The following PDE3A variants were observed in gnomAD, a reference collection of about 807,000 sequenced individuals.
PDE3A encodes phosphodiesterase 3A, also known as cGMP-inhibited 3',5'-cyclic phosphodiesterase 3A.
Under a neutral mutation model 98.3 loss-of-function variants are expected in PDE3A, and 43 were observed. The observed-to-expected ratio is 0.44, with a 90% CI of 0.34 to 0.56. The LOEUF is 0.56. Ranked by LOEUF, PDE3A falls within the 20% of genes least tolerant of loss-of-function variation. The pLI is 0.01. For missense variants in PDE3A, 1,427 were observed against 1,440.7 expected, an observed-to-expected ratio of 0.99 and a Z score of 0.15; for synonymous variants, 663 against 567.9, an observed-to-expected ratio of 1.17 and a Z score of -2.38.
chr12:20,584,079 G>A (rs1223460960), intron 2 of PDE3A, among the ~76,000 whole-genome samples: 3 of 152,176 alleles, frequency 2.0e-5, no homozygotes, highest in Non-Finnish European at 4.4e-5. Flanking sequence ...TAATAAAGGA[G>A]AATCCAGAGA....
Position 20,639,941 on chromosome 12 carries a change from A to T in PDE3A, c.2235A>T (p.Gly745=). ...ATTATTTTCATGCTTTGGAGATTGG[A>T]TATAGGGATATTCCTTGTAAGTATA... ...FMNYFHALEI[G]YRDIPYHNRI... is the part of the protein sequence containing the mutation. Residue 745 remains glycine (G), a synonymous_variant, in exon 10 of 16, where the codon GGA becomes GGT. Transcript: ENST00000359062. 6 of 1,346,970 alleles carry T rather than the reference A, an allele frequency of 4.5e-6. No individual in the cohort carries two copies. Among genetic ancestry groups the T allele is most frequent in the Non-Finnish European group, 6.4e-6 (6 of 937,838 alleles). 83.4% of individuals were successfully genotyped at this position (1,346,970 alleles called of 1,614,324 possible). A position where few individuals can be genotyped will look rare whatever the true frequency, so the allele number is the denominator to read the frequency against.
intron 1 of PDE3A, among the ~76,000 whole-genome samples, chr12:20,465,902 T>C: frequency 6.6e-6 from 1 of 152,172 alleles, no homozygotes; most frequent in East Asian, 1.9e-4. Flanking sequence ...TACCAACTTG[T>C]GCCAAAAAAT....
rs1321453682 is a variant in PDE3A at position 20,687,129 on chromosome 12, C to T, written c.*6858C>T. On this transcript the variant is annotated 3_prime_UTR_variant, in exon 16 of 16. Transcript: ENST00000359062. ...TACTCCCTAAAAAAGGCAAAATACT[C>T]AGATGTTCAATGTGAAATTACAAAT... is the stretch of plus-strand genomic sequence containing the variant. Among the ~76,000 whole-genome samples the T allele has an allele frequency of 6.6e-6, 1 of 152,086 alleles. No individual in the cohort carries two copies. Among genetic ancestry groups the T allele is most frequent in the Non-Finnish European group, 1.5e-5 (1 of 67,966 alleles).
chr12:20,394,411 C>G (rs1371893195), intron 1 of PDE3A, among the ~76,000 whole-genome samples: 1 of 151,990 alleles, frequency 6.6e-6, no homozygotes, highest in African/African-American at 2.4e-5. Context: ...GTATATAATA[C>G]TTTTTCATGA....
intron 2 of PDE3A, among the ~76,000 whole-genome samples, chr12:20,565,209 TCC>T (rs1942625707): frequency 1.3e-5 from 2 of 152,030 alleles, no homozygotes; most frequent in Non-Finnish European, 2.9e-5. Context: ...CTGAAAAATT[TCC>T]AGCTCTCAAG....
At chr12:20,614,426 G>A (rs546079033) in intron 3 of PDE3A, among the ~76,000 whole-genome samples, 1 of 150,748 alleles carries the variant, frequency 6.6e-6, no homozygotes, top group Non-Finnish European at 1.5e-5. Flanking sequence ...TATTTATTTA[G>A]TAAACAATCA....
At position 20,684,325 on chromosome 12, in the gene PDE3A, A is replaced by G. The variant is rs1945891049; in HGVS notation, c.*4054A>G. 1 of 152,144 alleles carries G rather than the reference A, an allele frequency of 6.6e-6. No individual in the cohort carries two copies. Among genetic ancestry groups the G allele is most frequent in the African/African-American group, 2.4e-5 (1 of 41,444 alleles). The allele number at this position is 152,144 out of a possible 1,614,324, so 9.4% of individuals were successfully genotyped here. On this transcript the variant is annotated 3_prime_UTR_variant, in exon 16 of 16. Transcript: ENST00000359062. ...TCATCCTAACCCTGATTCTAGTTTA[A>G]TGCCTTTCCTGACTTATATGCCATT... is the stretch of plus-strand genomic sequence containing the variant.
At chr12:20,480,525 G>A (rs879804724) in intron 1 of PDE3A, among the ~76,000 whole-genome samples, 2 of 152,116 alleles carry the variant, frequency 1.3e-5, no homozygotes, top group Non-Finnish European at 2.9e-5. Context: ...ATAAAATATA[G>A]CATTTGCAAA....
intron 15 of PDE3A, among the ~76,000 whole-genome samples, chr12:20,663,766 C>T (rs993698259): frequency 6.6e-6 from 1 of 152,070 alleles, no homozygotes; most frequent in Non-Finnish European, 1.5e-5. Context: ...TCAGATGAGA[C>T]CTTGGACTTG....
chr12:20,578,306 G>A (rs2121333523), intron 2 of PDE3A, among the ~76,000 whole-genome samples: 1 of 152,208 alleles, frequency 6.6e-6, no homozygotes, highest in East Asian at 1.9e-4. Flanking sequence ...TTGATTTGTT[G>A]CTCCATACTT....
At chr12:20,499,332 G>A (rs931446738) in intron 1 of PDE3A, among the ~76,000 whole-genome samples, 2 of 152,054 alleles carry the variant, frequency 1.3e-5, no homozygotes, top group Admixed American at 6.6e-5. Context: ...TCATTTCCAT[G>A]GACCCTTACA....
intron 1 of PDE3A, among the ~76,000 whole-genome samples, chr12:20,503,188 G>A (rs1309820225): frequency 6.6e-6 from 1 of 151,666 alleles, no homozygotes; most frequent in Non-Finnish European, 1.5e-5. Context: ...TTAGAACTTA[G>A]TTCACCACAG....
chr12:20,647,096 C>G (rs916397716), intron 12 of PDE3A, 146 bp downstream of exon 12: 1 of 605,718 alleles, frequency 1.7e-6, no homozygotes, highest in Non-Finnish European at 2.9e-6. Context: ...CGTGCTAATT[C>G]TGAAAAGAAG....
intron 1 of PDE3A, among the ~76,000 whole-genome samples, chr12:20,483,008 T>C (rs997864044): frequency 3.3e-5 from 5 of 152,170 alleles, no homozygotes; most frequent in African/African-American, 4.8e-5. Flanking sequence ...GTATTTCCTC[T>C]CTTTATAGCA....
intron 1 of PDE3A, among the ~76,000 whole-genome samples, chr12:20,505,003 G>A (rs571604811): frequency 1.3e-5 from 2 of 152,004 alleles, no homozygotes; most frequent in Admixed American, 1.3e-4. Context: ...AAGCACCAGA[G>A]GTCTTTTCCT....
At chr12:20,485,262 G>T (rs949232071) in intron 1 of PDE3A, among the ~76,000 whole-genome samples, 2 of 152,000 alleles carry the variant, frequency 1.3e-5, no homozygotes, top group African/African-American at 4.8e-5. Flanking sequence ...GCTTGTAATG[G>T]CATTCTTCCC....
intron 1 of PDE3A, among the ~76,000 whole-genome samples, chr12:20,407,511 C>T (rs1944253543): frequency 1.3e-5 from 2 of 152,056 alleles, no homozygotes; most frequent in Admixed American, 1.3e-4. Flanking sequence ...CTAAATCTAG[C>T]AAAACAAGCT....
intron 1 of PDE3A, among the ~76,000 whole-genome samples, chr12:20,478,862 G>T (rs987790541): frequency 6.6e-6 from 1 of 151,928 alleles, no homozygotes; most frequent in African/African-American, 2.4e-5. Flanking sequence ...CAAAATTTTG[G>T]CACATTTTTT....
At chr12:20,457,352 T>C (rs1945170482) in intron 1 of PDE3A, among the ~76,000 whole-genome samples, 1 of 151,736 alleles carries the variant, frequency 6.6e-6, no homozygotes, top group Non-Finnish European at 1.5e-5. Context: ...TATGGGTAGC[T>C]TAGATTTTTC....
Sources: allele counts gnomAD v4.1 joint callset (sites outside exome capture counted in the v4.1 genomes callset), GRCh38; gene constraint gnomAD v4.1.1; transcripts MANE v1.5; gene names NCBI Gene and HGNC (gene_info 2026-07-23, HGNC 2026-07-21).